ARHGAP39: variants seen among roughly 807,000 people sequenced by gnomAD.
ARHGAP39 encodes rho GTPase-activating protein 39.
Under a neutral mutation model 106.9 loss-of-function variants are expected in ARHGAP39, and 44 were observed. That is an observed-to-expected ratio of 0.41 (90% CI 0.32 to 0.53). The LOEUF (loss-of-function observed/expected upper bound fraction) is 0.53, where lower values mean the gene tolerates loss of function less well. Among genes scored for constraint, ARHGAP39 ranks in the 20% least tolerant of loss-of-function variants. The probability of loss-of-function intolerance (pLI) is 0.21; values close to 1 mark genes in which losing one functional copy is unlikely to be tolerated. For synonymous variants in ARHGAP39, 768 were observed against 693.2 expected, an observed-to-expected ratio of 1.11 and a Z score of -1.69; for missense variants, 1,496 against 1,577.3, an observed-to-expected ratio of 0.95 and a Z score of 0.87.
chr8:144,699,591 C>A, the ARHGAP39 span, among the ~76,000 whole-genome samples: 1 of 119,864 alleles, frequency 8.3e-6, no homozygotes, highest in Non-Finnish European at 1.7e-5. Context: ...GGGCTGGGGG[C>A]ACGGAGGGGA....
At chr8:144,553,918 C>T (rs941448102) in intron 4 of ARHGAP39, among the ~76,000 whole-genome samples, 2 of 152,280 alleles carry the variant, frequency 1.3e-5, no homozygotes, top group Non-Finnish European at 2.9e-5. Context: ...ATGCCCCACA[C>T]AGAGCTCGAT....
chr8:144,564,548 A>G (rs746519349), intron 3 of ARHGAP39, among the ~76,000 whole-genome samples: 7 of 152,268 alleles, frequency 4.6e-5, no homozygotes, highest in African/African-American at 7.2e-5. Context: ...GTTGAGAAAG[A>G]CATTAACAGT....
chr8:144,556,456 C>G (rs1000406639), intron 3 of ARHGAP39, among the ~76,000 whole-genome samples: 1 of 152,206 alleles, frequency 6.6e-6, no homozygotes, highest in Non-Finnish European at 1.5e-5. Flanking sequence ...AAACAACTCT[C>G]AGTAGTCCAG....
At chr8:144,637,337 C>T (rs977976589) in intron 1 of ARHGAP39, among the ~76,000 whole-genome samples, 4 of 152,090 alleles carry the variant, frequency 2.6e-5, no homozygotes, top group Non-Finnish European at 4.4e-5. Context: ...CATTGCTGGG[C>T]GCAGTGGCTC....
At chr8:144,667,180 C>A (rs181971918) in intron 1 of ARHGAP39, among the ~76,000 whole-genome samples, 1 of 152,188 alleles carries the variant, frequency 6.6e-6, no homozygotes, top group Non-Finnish European at 1.5e-5. Flanking sequence ...CAAGCCCACC[C>A]GCACCCCCAT....
intron 2 of ARHGAP39, among the ~76,000 whole-genome samples, chr8:144,597,911 G>A (rs1478465582): frequency 1.3e-5 from 2 of 152,154 alleles, no homozygotes; most frequent in Non-Finnish European, 2.9e-5. Flanking sequence ...ACAGGGATGC[G>A]TCCACACCAC....
chr8:144,536,112 C>A (rs1233979460), intron 7 of ARHGAP39, among the ~76,000 whole-genome samples: 2 of 152,182 alleles, frequency 1.3e-5, no homozygotes, highest in Non-Finnish European at 2.9e-5. Context: ...GAGACCCTCA[C>A]CTGTGTGGGG....
At chr8:144,588,840 T>A (rs1819281252) in intron 2 of ARHGAP39, among the ~76,000 whole-genome samples, 1 of 152,224 alleles carries the variant, frequency 6.6e-6, no homozygotes, top group South Asian at 2.1e-4. Flanking sequence ...GCCGCCTCTG[T>A]GGTCCTCCTC....
rs1013114205 is a variant in ARHGAP39 at position 144,585,758 on chromosome 8, C to T, written c.81-4481G>A. ...GGCAGTCGGCTGTACACACCATGCTCTTAAATCTCAACCCTCATGGGCCCC... is the reference window on the plus strand; with the variant it reads ...GGCAGTCGGCTGTACACACCATGCTTTTAAATCTCAACCCTCATGGGCCCC... On this transcript the variant is annotated intron_variant, in intron 2 of 11. Transcript: ENST00000377307. The surrounding 1 kb of genome is among the most constrained non-coding windows in gnomAD (Gnocchi z 4.6). Among the ~76,000 whole-genome samples the T allele has an allele frequency of 1.2e-4, 18 of 152,204 alleles. 1 individual carries two copies. Among genetic ancestry groups the T allele is most frequent in the Non-Finnish European group, 1.5e-5 (1 of 68,030 alleles).
chr8:144,596,386 G>C (rs1381821311), intron 2 of ARHGAP39, among the ~76,000 whole-genome samples: 1 of 152,136 alleles, frequency 6.6e-6, no homozygotes, highest in Non-Finnish European at 1.5e-5. Context: ...GACGGCTGAG[G>C]CCTCGCCACC....
At chr8:144,681,638 A>G (rs1340545948) in intron 1 of ARHGAP39, among the ~76,000 whole-genome samples, 1 of 152,216 alleles carries the variant, frequency 6.6e-6, no homozygotes, top group Non-Finnish European at 1.5e-5. Flanking sequence ...GTTCAAGGAC[A>G]TGCCAACTCT....
rs537162336 is a variant in ARHGAP39 at position 144,643,233 on chromosome 8, G to A, written c.-81-37538C>T. Among the ~76,000 whole-genome samples the A allele has an allele frequency of 2.6e-5, 4 of 152,236 alleles. No homozygotes were observed. The East Asian group carries it at 7.7e-4, about 29-fold the overall frequency. On this transcript the variant is annotated intron_variant, in intron 1 of 11. Coordinates refer to ENST00000377307, the MANE Select transcript of ARHGAP39 (RefSeq NM_025251.3). Reference sequence around the variant, plus strand: ...TTGTAGCACTTTGGGAGGCTGAGGTGAGTGGACTGCTTGAACTCAGGTGCT... The same window carrying A: ...TTGTAGCACTTTGGGAGGCTGAGGTAAGTGGACTGCTTGAACTCAGGTGCT...
chr8:144,540,295 T>C (rs933358997), intron 6 of ARHGAP39, among the ~76,000 whole-genome samples: 1 of 152,184 alleles, frequency 6.6e-6, no homozygotes, highest in Non-Finnish European at 1.5e-5. Flanking sequence ...ACTCGAGATG[T>C]TGAGGCAGGG....
chr8:144,551,891 C>T (rs1425810986), intron 4 of ARHGAP39, among the ~76,000 whole-genome samples: 1 of 152,244 alleles, frequency 6.6e-6, no homozygotes, highest in Non-Finnish European at 1.5e-5. Context: ...TTCATAGCCC[C>T]TCTTCCCGAG....
chr8:144,682,384 C>T (rs1822447933), intron 1 of ARHGAP39, among the ~76,000 whole-genome samples: 1 of 150,278 alleles, frequency 6.7e-6, no homozygotes, highest in Non-Finnish European at 1.5e-5. Flanking sequence ...CCTGTTTCTA[C>T]TAAAAATACA....
Position 144,585,551 on chromosome 8 carries a change from C to T in ARHGAP39, c.81-4274G>A, listed in dbSNP as rs1331312441. ...CCCTGGAGACAACCCTTGGCCTCAG[C>T]CCATGATACAAAGTGTCAATGACTC... On this transcript the variant is annotated intron_variant, in intron 2 of 11. Transcript: ENST00000377307. The surrounding 1 kb of genome is among the most constrained non-coding windows in gnomAD (Gnocchi z 4.6). Among the ~76,000 whole-genome samples, 1 of 152,108 alleles carries T rather than the reference C, an allele frequency of 6.6e-6. No homozygotes were observed. Among genetic ancestry groups the T allele is most frequent in the African/African-American group, 2.4e-5 (1 of 41,424 alleles).
chr8:144,607,906 C>T (rs965674324), intron 1 of ARHGAP39, among the ~76,000 whole-genome samples: 17 of 152,212 alleles, frequency 1.1e-4, no homozygotes, highest in African/African-American at 4.1e-4. Context: ...CCTATAATCC[C>T]AGCACTTTGG....
intron 2 of ARHGAP39, among the ~76,000 whole-genome samples, chr8:144,588,560 G>A (rs1020802264): frequency 2.0e-5 from 3 of 152,226 alleles, no homozygotes; most frequent in Admixed American, 6.5e-5. Flanking sequence ...GACTGGGTGC[G>A]GGAGGCGGGG....
intron 1 of ARHGAP39, among the ~76,000 whole-genome samples, chr8:144,627,298 G>T (rs1391534982): frequency 6.6e-6 from 1 of 152,224 alleles, no homozygotes; most frequent in African/African-American, 2.4e-5. Context: ...GCTCATGCCT[G>T]TAATCCCAGC....
Sources: allele counts gnomAD v4.1 joint callset (sites outside exome capture counted in the v4.1 genomes callset), GRCh38; gene constraint gnomAD v4.1.1; non-coding constraint Gnocchi (gnomAD v3.1); transcripts MANE v1.5; gene names NCBI Gene and HGNC (gene_info 2026-07-23, HGNC 2026-07-21).